Variants in TENM3 observed in about 807,000 individuals in gnomAD.
TENM3 encodes teneurin-3.
Under a neutral mutation model 255.1 loss-of-function variants are expected in TENM3, and 63 were observed. The ratio of observed to expected loss-of-function variants is 0.25; its 90% confidence interval spans 0.20 to 0.30. TENM3 has a LOEUF of 0.30. TENM3 is among the 10% of genes least tolerant of loss of function. The pLI, the probability that TENM3 is intolerant of heterozygous loss-of-function variation, is 1.00. For synonymous variants in TENM3, 1,306 were observed against 1,322.3 expected (o/e 0.99, Z 0.27); for missense variants, 2,929 against 3,461.1 (o/e 0.85, Z 3.86).
intron 26 of TENM3, among the ~76,000 whole-genome samples, chr4:182,795,732 C>G (rs973728314): frequency 1.2e-4 from 18 of 152,160 alleles, no homozygotes; most frequent in Admixed American, 3.3e-4. Context: ...CTCCTAGCAA[C>G]GTGGACTGCA....
the TENM3 span, among the ~76,000 whole-genome samples, chr4:181,639,370 C>A: frequency 6.6e-6 from 1 of 152,168 alleles, no homozygotes; most frequent in South Asian, 2.1e-4. Flanking sequence ...TCATTGTGAC[C>A]ATCCACATGC....
At chr4:182,205,857 A>C (rs563716358) in intron 1 of TENM3, among the ~76,000 whole-genome samples, 10 of 152,300 alleles carry the variant, frequency 6.6e-5, no homozygotes, top group African/African-American at 2.4e-4. Flanking sequence ...TCGTACACGC[A>C]GGCAAAGTGC....
the TENM3 span, among the ~76,000 whole-genome samples, chr4:181,888,494 G>GTGTATA: frequency 3.5e-5 from 1 of 28,242 alleles, no homozygotes; most frequent in Non-Finnish European, 6.0e-5. Context: ...ATAGAAATGT[G>GTGTATA]TATATATATA....
chr4:182,632,922 T>C (rs1751512913), intron 5 of TENM3, among the ~76,000 whole-genome samples: 1 of 152,102 alleles, frequency 6.6e-6, no homozygotes, highest in Admixed American at 6.6e-5. Context: ...TTAGTTTTTA[T>C]TTATCTTTTA....
At chr4:182,224,399 G>A (rs1487414019) in intron 1 of TENM3, among the ~76,000 whole-genome samples, 1 of 152,144 alleles carries the variant, frequency 6.6e-6, no homozygotes, top group African/African-American at 2.4e-5. Context: ...GGTAACAGTT[G>A]TTTGTGTACC....
chr4:182,288,104 T>G (rs1488045773), intron 1 of TENM3, among the ~76,000 whole-genome samples: 1 of 151,920 alleles, frequency 6.6e-6, no homozygotes, highest in Non-Finnish European at 1.5e-5. Context: ...CACCGGCTAA[T>G]TTTGTATTTA....
chr4:182,511,017 C>G (rs1247077141), intron 3 of TENM3, among the ~76,000 whole-genome samples: 1 of 152,190 alleles, frequency 6.6e-6, no homozygotes, highest in Non-Finnish European at 1.5e-5. Context: ...ATTCCCCAAG[C>G]TCAGTGTTCC....
At chr4:182,669,757 G>T (rs927843874) in intron 6 of TENM3, among the ~76,000 whole-genome samples, 1 of 152,112 alleles carries the variant, frequency 6.6e-6, no homozygotes, top group Admixed American at 6.5e-5. Context: ...AAAAAGCAAA[G>T]ATTTTATTGA....
At chr4:182,262,246 T>A (rs1758849086) in intron 1 of TENM3, among the ~76,000 whole-genome samples, 1 of 152,208 alleles carries the variant, frequency 6.6e-6, no homozygotes, top group Non-Finnish European at 1.5e-5. Context: ...TATTAAAATG[T>A]CACAAGCTAT....
chr4:181,837,813 T>C, the TENM3 span, among the ~76,000 whole-genome samples: 1 of 152,156 alleles, frequency 6.6e-6, no homozygotes, highest in Admixed American at 6.6e-5. Flanking sequence ...AATGAAAGTC[T>C]ACCATGTGGC....
chr4:181,965,812 A>C, the TENM3 span, among the ~76,000 whole-genome samples: 1 of 152,180 alleles, frequency 6.6e-6, no homozygotes, highest in Non-Finnish European at 1.5e-5. Context: ...AGAGAAGGTG[A>C]GGCAAGAAAT....
the TENM3 span, among the ~76,000 whole-genome samples, chr4:182,015,656 G>A: frequency 3.9e-5 from 6 of 152,066 alleles, no homozygotes; most frequent in Non-Finnish European, 8.8e-5. Context: ...CGCCTCCTGG[G>A]TTCAAGTGAT....
intron 3 of TENM3, among the ~76,000 whole-genome samples, chr4:182,365,919 C>T (rs989089500): frequency 6.6e-6 from 1 of 152,054 alleles, no homozygotes; most frequent in Non-Finnish European, 1.5e-5. Context: ...ATACCGCAGG[C>T]ATTCATAACA....
rs570302274 is a variant in TENM3, at chr4:182,665,753, G to A, written c.1112-7252G>A. Among the ~76,000 whole-genome samples the A allele has an allele frequency of 1.5e-4, 23 of 152,160 alleles. 1 individual carries two copies. In the South Asian group the frequency reaches 2.7e-3, roughly 18 times the overall value. On this transcript the variant is annotated intron_variant, in intron 6 of 27. Coordinates refer to ENST00000511685, the MANE Select transcript of TENM3 (RefSeq NM_001080477.4). ...TACAAAAAATACAAAAAATTTAGCC[G>A]GACATGGTGGCGGGCACCTGTAGTC...
At chr4:181,902,004 G>A in the TENM3 span, among the ~76,000 whole-genome samples, 1 of 152,034 alleles carries the variant, frequency 6.6e-6, no homozygotes, top group Non-Finnish European at 1.5e-5. Flanking sequence ...GGACTGGATA[G>A]TGTTAATCGA....
At chr4:182,273,727 C>T (rs895168840) in intron 1 of TENM3, among the ~76,000 whole-genome samples, 1 of 152,182 alleles carries the variant, frequency 6.6e-6, no homozygotes, top group South Asian at 2.1e-4. Context: ...ACTTGAGGAG[C>T]AGGCCACATT....
At chr4:182,003,654 A>G in the TENM3 span, among the ~76,000 whole-genome samples, 1 of 152,178 alleles carries the variant, frequency 6.6e-6, no homozygotes, top group African/African-American at 2.4e-5. Context: ...CAGGTTGTCA[A>G]CATTGTGACA....
intron 1 of TENM3, among the ~76,000 whole-genome samples, chr4:182,295,717 C>T (rs1173648919): frequency 6.6e-6 from 1 of 152,028 alleles, no homozygotes; most frequent in Non-Finnish European, 1.5e-5. Flanking sequence ...TGTGATTAAA[C>T]CTTTCATCCG....
At chr4:181,967,310 C>T in the TENM3 span, among the ~76,000 whole-genome samples, 1 of 152,116 alleles carries the variant, frequency 6.6e-6, no homozygotes, top group African/African-American at 2.4e-5. Flanking sequence ...CTGTAACCCC[C>T]AGCTTACTCT....
Sources: gnomAD v4.1 joint callset for allele counts (sites outside exome capture counted in the v4.1 genomes callset) on GRCh38, gnomAD v4.1.1 for gene constraint, MANE v1.5 for transcripts, NCBI Gene and HGNC (gene_info 2026-07-23, HGNC 2026-07-21) for gene names.